The following CLEC12A variants were observed in gnomAD, a reference collection of about 807,000 sequenced individuals.
The protein encoded by CLEC12A is C-type lectin protein CLL-1.
Under a neutral mutation model 26.5 loss-of-function variants are expected in CLEC12A, and 22 were observed. The ratio of observed to expected loss-of-function variants is 0.83; its 90% CI spans 0.59 to 1.19. The LOEUF is 1.19. Among genes scored for constraint, CLEC12A ranks in the 50% most tolerant of loss-of-function variants. The probability of loss-of-function intolerance (pLI) is 0.00; values close to 1 mark genes in which losing one functional copy is unlikely to be tolerated. For missense variants in CLEC12A, 353 were observed against 315.6 expected, an observed-to-expected ratio of 1.12 and a Z score of -0.90; for synonymous variants, 119 against 101.9, an observed-to-expected ratio of 1.17 and a Z score of -1.01.
intron 3 of CLEC12A, 54 bp downstream of exon 3, chr12:9,979,578 G>T (rs1864472077): frequency 1.5e-6 from 2 of 1,332,274 alleles, no homozygotes; most frequent in Non-Finnish European, 1.0e-6. Flanking sequence ...AAACCACTGA[G>T]TCTCTTAAGA....
upstream of CLEC12A, among the ~76,000 whole-genome samples, chr12:9,967,551 G>T (rs764241525): frequency 7.9e-5 from 12 of 152,082 alleles, no homozygotes; most frequent in African/African-American, 2.4e-5. Context: ...GAGGGCGGAA[G>T]CTTGCCCATA....
intron 1 of CLEC12A, among the ~76,000 whole-genome samples, chr12:9,959,199 C>T (rs777786488): frequency 1.3e-5 from 2 of 152,046 alleles, no homozygotes; most frequent in Non-Finnish European, 2.9e-5. Context: ...TCCTGTGATC[C>T]CTGCACTTTG....
intron 1 of CLEC12A, among the ~76,000 whole-genome samples, chr12:9,957,550 G>A (rs1205187768): frequency 6.6e-6 from 1 of 151,930 alleles, no homozygotes; most frequent in Non-Finnish European, 1.5e-5. Context: ...ACAAATGGTT[G>A]TATTCTTTTG....
intron 1 of CLEC12A, 44 bp from the exon 2 acceptor site, chr12:9,978,922 G>A (rs779984764): frequency 7.5e-7 from 1 of 1,340,864 alleles, no homozygotes; most frequent in African/African-American, 1.4e-5. Context: ...CCAAATGAAA[G>A]TTATACCATT....
downstream of CLEC12A, among the ~76,000 whole-genome samples, chr12:9,996,277 C>G (rs1865044677): frequency 6.6e-6 from 1 of 152,004 alleles, no homozygotes; most frequent in Admixed American, 6.6e-5. Flanking sequence ...TAAATTCTAC[C>G]TGAAATCCAA....
intron 1 of CLEC12A, among the ~76,000 whole-genome samples, chr12:9,957,755 G>A (rs1863766964): frequency 1.3e-5 from 2 of 152,340 alleles, no homozygotes; most frequent in South Asian, 4.1e-4. Flanking sequence ...TCCCATACCT[G>A]TGAAGATAAG....
intron 4 of CLEC12A, 43 bp downstream of exon 4, chr12:9,980,776 G>A (rs1381880490): frequency 2.5e-6 from 4 of 1,596,434 alleles, no homozygotes; most frequent in Admixed American, 1.7e-5. Context: ...AGAGAGGGGT[G>A]TGGCATGTTG....
At chr12:9,978,767 C>T (rs1324458653) in intron 1 of CLEC12A, among the ~76,000 whole-genome samples, 199 bp from the exon 2 acceptor site, 1 of 152,074 alleles carries the variant, frequency 6.6e-6, no homozygotes, top group Admixed American at 6.6e-5. Flanking sequence ...ACATACAAAA[C>T]AATTAAGTGA....
chr12:9,987,050 G>T (rs1864782981), downstream of CLEC12A, among the ~76,000 whole-genome samples: 1 of 152,132 alleles, frequency 6.6e-6, no homozygotes, highest in Admixed American at 6.5e-5. Context: ...ATATAAATTT[G>T]CTTACAAAAA....
At chr12:9,993,914 G>C (rs1476592850) in intron 4 of CLEC12A, among the ~76,000 whole-genome samples, 1 of 152,084 alleles carries the variant, frequency 6.6e-6, no homozygotes, top group African/African-American at 2.4e-5. Flanking sequence ...TATGTGCTGA[G>C]GATACACTGA....
downstream of CLEC12A, among the ~76,000 whole-genome samples, chr12:9,987,842 C>T: frequency 6.6e-6 from 1 of 151,674 alleles, no homozygotes; most frequent in Non-Finnish European, 1.5e-5. Flanking sequence ...GAGTCTCGCT[C>T]TTGTCACCCA....
chr12:9,971,593 A>G lies in CLEC12A; in HGVS notation c.-4A>G, dbSNP rs777404060. 30 of 1,601,676 alleles carry G rather than the reference A, an allele frequency of 1.9e-5. No individual in the cohort carries two copies. Among genetic ancestry groups the G allele is most frequent in the Non-Finnish European group, 2.3e-5 (27 of 1,174,428 alleles). On this transcript the variant is annotated 5_prime_UTR_variant, in exon 1 of 6. Coordinates refer to ENST00000304361, the MANE Select transcript of CLEC12A (RefSeq NM_138337.6). The stretch of plus-strand genomic sequence containing the variant: ...TTTGTCAAGATTTCTTTACATATTC[A>G]TCAATGTCTGAAGAAGTTACTTATG...
chr12:9,993,194 A>G lies in CLEC12A; in HGVS notation n.1005-1824A>G, dbSNP rs770915236. 8 of 1,612,322 alleles carry G rather than the reference A, an allele frequency of 5.0e-6. No individual in the cohort carries two copies. In the Admixed American group the frequency reaches 8.3e-5, roughly 17 times the overall value. The stretch of plus-strand genomic sequence containing the variant: ...TGCCAGCCTTCCTCTCACACATTAA[A>G]TAATGTTTGTTCTCACAGAAGGTAG... On this transcript the variant is annotated intron_variant and non_coding_transcript_variant, in intron 4 of 4. Coordinates refer to the CLEC12A transcript ENST00000449959.
chr12:9,981,334 T>C (rs1864546476), intron 4 of CLEC12A, among the ~76,000 whole-genome samples: 1 of 152,184 alleles, frequency 6.6e-6, no homozygotes, highest in African/African-American at 2.4e-5. Flanking sequence ...AATGTTTCCA[T>C]GTTACACTTA....
chr12:9,964,715 A>G (rs1863899441), intron 1 of CLEC12A, among the ~76,000 whole-genome samples: 1 of 152,168 alleles, frequency 6.6e-6, no homozygotes, highest in Non-Finnish European at 1.5e-5. Flanking sequence ...GATTTCCACG[A>G]TGGAAAGGAA....
chr12:9,995,251 T>C (rs521040), exon 5 of CLEC12A: 432,104 of 1,606,662 alleles, frequency 0.27, 60,491 homozygotes, highest in South Asian at 0.4. Context: ...GTACTCCTAT[T>C]GTAAACATAA....
downstream of CLEC12A, among the ~76,000 whole-genome samples, chr12:9,997,531 C>G (rs1054205468): frequency 1.3e-5 from 2 of 152,120 alleles, no homozygotes; most frequent in African/African-American, 2.4e-5. Flanking sequence ...ATCCCAACAT[C>G]GATAACATCC....
intron 4 of CLEC12A, among the ~76,000 whole-genome samples, chr12:9,981,257 C>T (rs1050430887): frequency 1.3e-5 from 2 of 152,008 alleles, no homozygotes; most frequent in Non-Finnish European, 2.9e-5. Context: ...TCCTTGAATC[C>T]CAGGAAAAAT....
chr12:9,993,409 A>AC (rs993716329), intron 4 of CLEC12A: 92 of 745,458 alleles, frequency 1.2e-4, no homozygotes, highest in Middle Eastern at 4.8e-4. Flanking sequence ...AAAAAAACAA[A>AC]AAAAAAAACG....
Sources: gnomAD v4.1 joint callset for allele counts (sites outside exome capture counted in the v4.1 genomes callset) on GRCh38, gnomAD v4.1.1 for gene constraint, MANE v1.5 for transcripts, NCBI Gene and HGNC (gene_info 2026-07-23, HGNC 2026-07-21) for gene names.